The following KIRREL3 variants were observed in gnomAD, a reference collection of about 807,000 sequenced individuals.
KIRREL3 encodes kin of IRRE-like protein 3.
In KIRREL3, 36 loss-of-function variants were observed where a neutral mutation model predicts 89.7. That is an observed-to-expected ratio of 0.40 (90% CI 0.31 to 0.53). The LOEUF (loss-of-function observed/expected upper bound fraction) is 0.53. Ranked by LOEUF, KIRREL3 falls within the 20% of genes least tolerant of loss-of-function variation. The pLI is 0.49. For synonymous variants in KIRREL3, 445 were observed against 441.4 expected (o/e 1.01, Z -0.10); for missense variants, 864 against 1,056.6 (o/e 0.82, Z 2.53).
chr11:126,752,409 C>T lies in KIRREL3; in HGVS notation c.56-189497G>A, dbSNP rs1283276056. Among the ~76,000 whole-genome samples the T allele has an allele frequency of 6.6e-6, 1 of 152,112 alleles. No individual in the cohort carries two copies. The highest frequency in any genetic ancestry group is 2.4e-5 in the African/African-American group (1 of 41,412). On this transcript the variant is annotated intron_variant, in intron 1 of 16. Coordinates refer to ENST00000525144, the MANE Select transcript of KIRREL3 (RefSeq NM_032531.4). This position sits in a 1 kb window ranked among gnomAD's most constrained non-coding sequence, Gnocchi z 4.8. Reference sequence around the variant, plus strand: ...GAGTTCAAGGGATCCTAGATGCTAACTGGATGATGAGTTAATTATGTAGCT... The same window carrying T: ...GAGTTCAAGGGATCCTAGATGCTAATTGGATGATGAGTTAATTATGTAGCT...
intron 1 of KIRREL3, among the ~76,000 whole-genome samples, chr11:126,933,732 G>A (rs1174085811): frequency 6.7e-6 from 1 of 149,118 alleles, no homozygotes; most frequent in East Asian, 2.0e-4. Context: ...TTCTAGAAAG[G>A]AGTTTAACAA....
At position 126,449,089 on chromosome 11, in the gene KIRREL3, G is replaced by C. The variant is rs764052282; in HGVS notation, c.917C>G (p.Thr306Arg). 1.2e-6 allele frequency: 2 copies of C among 1,613,870 alleles called. No homozygotes were observed. The highest frequency in any genetic ancestry group is 1.3e-5 in the African/African-American group (1 of 74,922). Residue 306 changes from threonine (T) to arginine (R), a missense_variant, in exon 8 of 17, where the codon ACG becomes AGG. Physicochemically the swap from Thr to Arg is moderately conservative, Grantham distance 71. Coordinates refer to ENST00000525144, the MANE Select transcript of KIRREL3 (RefSeq NM_032531.4). ...ACAGGAGACGGGCTCTGAGAAGTACGTGTAGTCCACTGTGGTCCTGTACAC... is the reference window on the plus strand; with the variant it reads ...ACAGGAGACGGGCTCTGAGAAGTACCTGTAGTCCACTGTGGTCCTGTACAC... ...GEVYRTTVDY[T>R]YFSEPVSCEV...
chr11:126,648,246 TCTTTC>T (rs761440678), intron 1 of KIRREL3, among the ~76,000 whole-genome samples: 5 of 152,332 alleles, frequency 3.3e-5, no homozygotes, highest in Non-Finnish European at 5.9e-5. Context: ...CAATTAAACT[TCTTTC>T]CTTTTTACCC....
In KIRREL3 at chr11:126,976,394, G is replaced by A. The variant is rs942686944; in HGVS notation, c.55+24061C>T. On this transcript the variant is annotated intron_variant, in intron 1 of 16. Transcript: ENST00000525144. The surrounding 1 kb of genome is among the most constrained non-coding windows in gnomAD (Gnocchi z 4.2). The stretch of plus-strand genomic sequence containing the variant: ...ATTATTTTCTGAGTGTTTATGAACC[G>A]TTACATTAATCTCCTGCAGATTTTT... Among the ~76,000 whole-genome samples the A allele has an allele frequency of 5.3e-5, 8 of 152,126 alleles. No homozygotes were observed. Among genetic ancestry groups the A allele is most frequent in the Non-Finnish European group, 7.4e-5 (5 of 68,012 alleles).
chr11:126,853,093 G>A (rs1412578057), intron 1 of KIRREL3, among the ~76,000 whole-genome samples: 1 of 151,878 alleles, frequency 6.6e-6, no homozygotes, highest in African/African-American at 2.4e-5. Context: ...TTTTAAAATG[G>A]GAAAAATACT....
chr11:126,637,082 T>G (rs529650970), intron 1 of KIRREL3, among the ~76,000 whole-genome samples: 3 of 152,152 alleles, frequency 2.0e-5, no homozygotes, highest in Non-Finnish European at 4.4e-5. Flanking sequence ...TTGTCTCCTC[T>G]GCAGGATGAC....
chr11:126,648,186 G>A (rs1944766849), intron 1 of KIRREL3, among the ~76,000 whole-genome samples: 1 of 152,122 alleles, frequency 6.6e-6, no homozygotes, highest in Admixed American at 6.5e-5. Flanking sequence ...CACCATGATT[G>A]TAAGTTTTCT....
chr11:126,969,336 A>G lies in KIRREL3; in HGVS notation c.55+31119T>C, dbSNP rs1949365831. The stretch of plus-strand genomic sequence containing the variant: ...TGGCCTTCCAAGGAGAGAGTTGTCC[A>G]CTGGGGAAAACGCCTGGGCAATTCC... On this transcript the variant is annotated intron_variant, in intron 1 of 16. Transcript: ENST00000525144. The surrounding 1 kb of genome is among the most constrained non-coding windows in gnomAD (Gnocchi z 4.9). Among the ~76,000 whole-genome samples, 1 of 152,160 alleles carries G rather than the reference A, an allele frequency of 6.6e-6. No individual in the cohort carries two copies. Among genetic ancestry groups the G allele is most frequent in the African/African-American group, 2.4e-5 (1 of 41,452 alleles).
At chr11:126,720,369 A>T (rs757604209) in intron 1 of KIRREL3, among the ~76,000 whole-genome samples, 1 of 152,186 alleles carries the variant, frequency 6.6e-6, no homozygotes, top group Non-Finnish European at 1.5e-5. Context: ...CCATGTTTGC[A>T]TGGTGGGGCT....
intron 1 of KIRREL3, among the ~76,000 whole-genome samples, chr11:126,699,734 A>G (rs1312665280): frequency 2.6e-5 from 4 of 152,218 alleles, no homozygotes; most frequent in African/African-American, 9.6e-5. Context: ...ATAGAGCCAG[A>G]GCTTATTAAG....
At chr11:126,856,395 G>A (rs1035773228) in intron 1 of KIRREL3, among the ~76,000 whole-genome samples, 1 of 151,918 alleles carries the variant, frequency 6.6e-6, no homozygotes, top group African/African-American at 2.4e-5. Context: ...ATCTTTCTAA[G>A]TCTTCATGTT....
rs1024881586 is a variant in KIRREL3 at position 126,755,136 on chromosome 11, G to A, written c.56-192224C>T. 5.3e-5 allele frequency among the ~76,000 whole-genome samples: 8 copies of A among 152,178 alleles called. No homozygotes were observed. Among genetic ancestry groups the A allele is most frequent in the African/African-American group, 1.9e-4 (8 of 41,448 alleles). On this transcript the variant is annotated intron_variant, in intron 1 of 16. Transcript: ENST00000525144. This position sits in a 1 kb window ranked among gnomAD's most constrained non-coding sequence, Gnocchi z 4.3. ...AGTTTGTTTTAAATCTTGATTGGAA[G>A]AATTATCCTGACAAGAAAATTAGTA...
At chr11:126,560,988 G>A (rs1940078241) in intron 2 of KIRREL3, among the ~76,000 whole-genome samples, 1 of 152,180 alleles carries the variant, frequency 6.6e-6, no homozygotes, top group Non-Finnish European at 1.5e-5. Flanking sequence ...GTATTGGTAT[G>A]AGATAATTAT....
Position 126,527,499 on chromosome 11 carries a change from C to A in KIRREL3, c.134-812G>T, listed in dbSNP as rs1958798624. Among the ~76,000 whole-genome samples the A allele has an allele frequency of 6.6e-6, 1 of 152,178 alleles. No homozygotes were observed. Among genetic ancestry groups the A allele is most frequent in the African/African-American group, 2.4e-5 (1 of 41,438 alleles). ...TAAAATATTAGTTCATTAATATTTT[C>A]ATCGTCATAACAACCTAAAAATAGT... On this transcript the variant is annotated intron_variant, in intron 2 of 16. Coordinates refer to ENST00000525144, the MANE Select transcript of KIRREL3 (RefSeq NM_032531.4). The surrounding 1 kb of genome is among the most constrained non-coding windows in gnomAD (Gnocchi z 4.2).
intron 1 of KIRREL3, among the ~76,000 whole-genome samples, chr11:126,629,270 G>A (rs957944619): frequency 6.6e-6 from 1 of 152,176 alleles, no homozygotes; most frequent in African/African-American, 2.4e-5. Context: ...CCAGGACTGT[G>A]CTGCCTGCAG....
intron 1 of KIRREL3, among the ~76,000 whole-genome samples, chr11:126,851,283 G>C (rs952643851): frequency 6.6e-6 from 1 of 152,208 alleles, no homozygotes; most frequent in Non-Finnish European, 1.5e-5. Context: ...TGGTTCACTG[G>C]AAAATGTCTG....
At position 126,627,975 on chromosome 11, in the gene KIRREL3, A is replaced by G. The variant is rs1943864427; in HGVS notation, c.56-65063T>C. Among the ~76,000 whole-genome samples the G allele has an allele frequency of 3.3e-5, 5 of 152,324 alleles. No homozygotes were observed. The South Asian group carries it at 1.0e-3, about 32-fold the overall frequency. On this transcript the variant is annotated intron_variant, in intron 1 of 16. Coordinates refer to ENST00000525144, the MANE Select transcript of KIRREL3 (RefSeq NM_032531.4). The surrounding 1 kb of genome is among the most constrained non-coding windows in gnomAD (Gnocchi z 5.0). ...GCAAGGCTCGGTCTCCTGGTTTGAGAAACAGGAATGATCCCAGCTCTACCT... is the reference window on the plus strand; with the variant it reads ...GCAAGGCTCGGTCTCCTGGTTTGAGGAACAGGAATGATCCCAGCTCTACCT...
rs1351644908 is a variant in KIRREL3 at position 126,440,476 on chromosome 11, G to A, written c.1326C>T (p.Ile442=). Residue 442 remains isoleucine (I), a synonymous_variant, in exon 11 of 17, where the codon ATC becomes ATT. Coordinates refer to ENST00000525144, the MANE Select transcript of KIRREL3 (RefSeq NM_032531.4). The part of the protein sequence containing the change: ...HGEKGQIKCF[I]RSTPPPDRIA... ...TGCGGTCCGGCGGCGGCGTGCTCCG[G>A]ATGAAGCACTTGATCTGGCCCTTCT... The A allele has an allele frequency of 6.3e-7, 1 of 1,593,684 alleles. No individual in the cohort carries two copies. The highest frequency in any genetic ancestry group is 2.3e-5 in the East Asian group (1 of 43,754).
At position 126,485,975 on chromosome 11, in the gene KIRREL3, G is replaced by T. The variant is rs934864404; in HGVS notation, c.434-12509C>A. Among the ~76,000 whole-genome samples, 3 of 152,206 alleles carry T rather than the reference G, an allele frequency of 2.0e-5. No individual in the cohort carries two copies. Among genetic ancestry groups the T allele is most frequent in the Non-Finnish European group, 4.4e-5 (3 of 68,038 alleles). The stretch of plus-strand genomic sequence containing the variant: ...TCAGGGTCAAAGTCAGCAGTGGCTT[G>T]GTTCGCTCCTTAAATTAGGAAGGGT... On this transcript the variant is annotated intron_variant, in intron 4 of 16. Coordinates refer to ENST00000525144, the MANE Select transcript of KIRREL3 (RefSeq NM_032531.4). The surrounding 1 kb of genome is among the most constrained non-coding windows in gnomAD (Gnocchi z 5.8).
Sources: allele counts gnomAD v4.1 joint callset (sites outside exome capture counted in the v4.1 genomes callset), GRCh38; gene constraint gnomAD v4.1.1; non-coding constraint Gnocchi (gnomAD v3.1); transcripts MANE v1.5; gene names NCBI Gene and HGNC (gene_info 2026-07-23, HGNC 2026-07-21).